The following CD96 variants were observed in gnomAD, a reference collection of about 807,000 sequenced individuals.
CD96 encodes CD96 molecule, also known as T-cell surface protein tactile.
Under a neutral mutation model 71.3 loss-of-function variants are expected in CD96, and 70 were observed. The ratio of observed to expected loss-of-function variants is 0.98; its 90% confidence interval spans 0.81 to 1.20. CD96 has a LOEUF of 1.20. Among genes scored for constraint, CD96 ranks in the 50% most tolerant of loss-of-function variants. CD96 has a pLI of 0.00. For synonymous variants in CD96, 248 were observed against 233.0 expected, an observed-to-expected ratio of 1.06 and a Z score of -0.59; for missense variants, 742 against 677.5, an observed-to-expected ratio of 1.10 and a Z score of -1.06.
At chr3:111,585,588 G>A (rs989947398) in intron 5 of CD96, among the ~76,000 whole-genome samples, 2 of 151,874 alleles carry the variant, frequency 1.3e-5, no homozygotes, top group African/African-American at 4.8e-5. Context: ...TGTTTGATGT[G>A]CACTTTTAGT....
chr3:111,585,281 A>T (rs757678631), intron 4 of CD96, 42 bp from the exon 5 acceptor site: 2 of 1,291,436 alleles, frequency 1.5e-6, no homozygotes, highest in South Asian at 2.4e-5. Flanking sequence ...GCCAGGTAGG[A>T]TGACATTTGG....
chr3:111,637,360 T>C, intron 11 of CD96, 99 bp downstream of exon 11: 1 of 761,496 alleles, frequency 1.3e-6, no homozygotes, highest in Non-Finnish European at 2.4e-6. Context: ...CAGCCTCAGA[T>C]AGATATATAA....
At chr3:111,634,265 A>G (rs933956343) in intron 10 of CD96, 9 of 152,238 alleles carry the variant, frequency 5.9e-5, no homozygotes, top group African/African-American at 2.2e-4. Flanking sequence ...TTATGGTAGA[A>G]TAGTATGCTG....
chr3:111,644,975 T>C (rs1210180681), intron 12 of CD96, among the ~76,000 whole-genome samples: 1 of 152,124 alleles, frequency 6.6e-6, no homozygotes, highest in Non-Finnish European at 1.5e-5. Context: ...GAACTAAAAG[T>C]AGAGCCATCA....
intron 6 of CD96, among the ~76,000 whole-genome samples, chr3:111,598,957 TTTTTA>T (rs200746113): frequency 2.2e-4 from 33 of 151,578 alleles, no homozygotes; most frequent in East Asian, 5.8e-4. Context: ...TTCTGAATTA[TTTTTA>T]TTTTATTTTA....
chr3:111,569,492 T>G (rs1449780788), intron 3 of CD96, among the ~76,000 whole-genome samples: 2 of 152,194 alleles, frequency 1.3e-5, no homozygotes, highest in Non-Finnish European at 2.9e-5. Flanking sequence ...TTAAGTGAGA[T>G]AATTTCAGGA....
intron 4 of CD96, among the ~76,000 whole-genome samples, chr3:111,580,013 A>T (rs1936396080): frequency 6.6e-6 from 1 of 152,180 alleles, no homozygotes; most frequent in Non-Finnish European, 1.5e-5. Flanking sequence ...TAATTGTCTT[A>T]GTTGCTTGCT....
chr3:111,618,837 C>T (rs545778759), intron 8 of CD96, among the ~76,000 whole-genome samples: 1 of 152,068 alleles, frequency 6.6e-6, no homozygotes, highest in East Asian at 1.9e-4. Flanking sequence ...TCCCAAAGTG[C>T]TGGGATTACA....
chr3:111,580,639 A>C (rs973757070), intron 4 of CD96, among the ~76,000 whole-genome samples: 9 of 152,250 alleles, frequency 5.9e-5, no homozygotes, highest in African/African-American at 1.9e-4. Flanking sequence ...AAGAAAACAC[A>C]AAATTGCCTC....
At chr3:111,602,713 G>A (rs374087862) in intron 7 of CD96, among the ~76,000 whole-genome samples, 8 of 152,094 alleles carry the variant, frequency 5.3e-5, no homozygotes, top group South Asian at 2.1e-4. Context: ...TATGAACTCC[G>A]GAGTAAACTT....
At chr3:111,620,516 T>A in intron 8 of CD96, among the ~76,000 whole-genome samples, 1 of 152,232 alleles carries the variant, frequency 6.6e-6, no homozygotes, top group Admixed American at 6.5e-5. Context: ...TAACTCTGAC[T>A]TCTACATAAT....
chr3:111,561,398 CCTTT>C (rs2107527083), intron 2 of CD96, among the ~76,000 whole-genome samples: 1 of 143,952 alleles, frequency 6.9e-6, no homozygotes, highest in East Asian at 2.1e-4. Context: ...GTGTGGATGT[CCTTT>C]CTGTTTGTTA....
intron 2 of CD96, 101 bp from the exon 3 acceptor site, chr3:111,567,422 A>C: frequency 1.1e-6 from 1 of 904,744 alleles, no homozygotes; most frequent in South Asian, 1.4e-5. Context: ...CCCTGAGGAC[A>C]GATGAATCCC....
At chr3:111,617,600 A>G (rs1938307616) in intron 8 of CD96, among the ~76,000 whole-genome samples, 1 of 151,996 alleles carries the variant, frequency 6.6e-6, no homozygotes, top group Non-Finnish European at 1.5e-5. Flanking sequence ...AGAGCTGGAC[A>G]CTCATTGGGA....
At chr3:111,652,855 A>G (rs1274564052), downstream of CD96, among the ~76,000 whole-genome samples, 2 of 152,002 alleles carry the variant, frequency 1.3e-5, no homozygotes, top group Non-Finnish European at 2.9e-5. Flanking sequence ...GTCTGACTCA[A>G]CCAGCAACTC....
At chr3:111,562,874 C>G (rs187795965) in intron 2 of CD96, among the ~76,000 whole-genome samples, 1 of 152,194 alleles carries the variant, frequency 6.6e-6, no homozygotes, top group Non-Finnish European at 1.5e-5. Context: ...TGTTAAAGGT[C>G]TTTCTGGTCT....
chr3:111,633,370 A>C (rs1250334364), intron 10 of CD96, among the ~76,000 whole-genome samples: 1 of 152,216 alleles, frequency 6.6e-6, no homozygotes, highest in African/African-American at 2.4e-5. Context: ...TAGATATAAC[A>C]ATAATATGAA....
At chr3:111,562,842 A>G (rs571286655) in intron 2 of CD96, among the ~76,000 whole-genome samples, 9 of 152,128 alleles carry the variant, frequency 5.9e-5, no homozygotes, top group African/African-American at 2.2e-4. Context: ...CCATTCCATG[A>G]CTCTAGTTTC....
At chr3:111,588,839 TG>T (rs1020770849) in intron 5 of CD96, among the ~76,000 whole-genome samples, 2 of 152,236 alleles carry the variant, frequency 1.3e-5, no homozygotes, top group African/African-American at 4.8e-5. Flanking sequence ...TAATCATTTT[TG>T]CTGTGTTGTA....
Sources: gnomAD v4.1 joint callset for allele counts (sites outside exome capture counted in the v4.1 genomes callset) on GRCh38, gnomAD v4.1.1 for gene constraint, MANE v1.5 for transcripts, NCBI Gene and HGNC (gene_info 2026-07-23, HGNC 2026-07-21) for gene names.